FER1L5: variants seen among roughly 807,000 people sequenced by gnomAD.
FER1L5 encodes fer-1-like protein 5.
Under a neutral mutation model 279.9 loss-of-function variants are expected in FER1L5, and 187 were observed. That is an observed-to-expected ratio of 0.67 (90% CI 0.59 to 0.75). FER1L5 has a LOEUF of 0.75. Among genes scored for constraint, FER1L5 ranks in the 30% least tolerant of loss-of-function variants. The pLI, the probability that FER1L5 is intolerant of heterozygous loss-of-function variation, is 0.00. For missense variants in FER1L5, 2,091 were observed against 2,594.4 expected (o/e 0.81, Z 4.21); for synonymous variants, 921 against 989.7 (o/e 0.93, Z 1.30).
intron 4 of FER1L5, among the ~76,000 whole-genome samples, chr2:96,648,840 T>C (rs182344805): frequency 6.6e-6 from 1 of 152,238 alleles, no homozygotes; most frequent in Non-Finnish European, 1.5e-5. Context: ...GGACACACAA[T>C]ATTGTTGACT....
intron 6 of FER1L5, 77 bp from the exon 7 acceptor site, chr2:96,651,815 A>T: frequency 3.2e-6 from 5 of 1,540,332 alleles, no homozygotes; most frequent in Non-Finnish European, 4.4e-6. Flanking sequence ...CTGGCCTAGA[A>T]TGTTTTCTTA....
rs1156274644 is a variant in FER1L5 at position 96,698,847 on chromosome 2, C to CTGCCCCACACAGG, written c.4518+22_4518+34dup. 1.3e-6 allele frequency: 2 copies of CTGCCCCACACAGG among 1,556,362 alleles called. No individual in the cohort carries two copies. The highest frequency in any genetic ancestry group is 2.4e-5 in the East Asian group (1 of 41,132). On this transcript the variant is annotated intron_variant, in intron 41 of 52. Transcript: ENST00000624922. This position sits in a 1 kb window ranked among gnomAD's most constrained non-coding sequence, Gnocchi z 5.5. ...ACAATGGCCTGGTAAAGAACAGTACCTGCCCCACACAGGTGCCCCGCACGC... is the reference window on the plus strand; with the variant it reads ...ACAATGGCCTGGTAAAGAACAGTACCTGCCCCACACAGGTGCCCCACACAGGTGCCCCGCACGC...
At chr2:96,674,081 TCA>T (rs2076424985) in intron 19 of FER1L5, among the ~76,000 whole-genome samples, 1 of 152,248 alleles carries the variant, frequency 6.6e-6, no homozygotes, top group African/African-American at 2.4e-5. Flanking sequence ...CTTAGTATAT[TCA>T]CAGAGTCGTA....
In FER1L5 at chr2:96,702,746, C is replaced by T. The variant is rs769237611; in HGVS notation, c.5397+5C>T. On this transcript the variant is annotated splice_donor_5th_base_variant and intron_variant, in intron 48 of 52. Coordinates refer to ENST00000624922, the MANE Select transcript of FER1L5 (RefSeq NM_001293083.2). This position sits in a 1 kb window ranked among gnomAD's most constrained non-coding sequence, Gnocchi z 4.0. ...ACGTGTGTCCAGAGCCAGAAGGTAA[C>T]AGGCCTGGGGCGTGAGGGGCAACAG... 5.6e-6 allele frequency: 9 copies of T among 1,612,390 alleles called. No homozygotes were observed. In the Admixed American group the frequency reaches 8.4e-5, roughly 15 times the overall value.
In FER1L5 at chr2:96,702,779, C is replaced by T. The variant is rs370111060; in HGVS notation, c.5397+38C>T. 2.5e-6 allele frequency: 4 copies of T among 1,607,650 alleles called. No homozygotes were observed. Among genetic ancestry groups the T allele is most frequent in the Non-Finnish European group, 3.4e-6 (4 of 1,177,440 alleles). ...GGGCGTGAGGGGCAACAGGCCACAA[C>T]AAACAGACCCAGGCTCCTGGAGCTC... On this transcript the variant is annotated intron_variant, in intron 48 of 52. Coordinates refer to ENST00000624922, the MANE Select transcript of FER1L5 (RefSeq NM_001293083.2). This position sits in a 1 kb window ranked among gnomAD's most constrained non-coding sequence, Gnocchi z 4.0.
Position 96,673,263 on chromosome 2 carries a change from C to A in FER1L5, c.1669+9C>A, listed in dbSNP as rs1245080034. ...CCCAGTGATATATGATGGTAATTGT[C>A]AGATTCAGGCAATAAGTAGAGAGCA... is the stretch of plus-strand genomic sequence containing the variant. On this transcript the variant is annotated intron_variant, in intron 19 of 52. Coordinates refer to ENST00000624922, the MANE Select transcript of FER1L5 (RefSeq NM_001293083.2). The A allele has an allele frequency of 1.3e-6, 2 of 1,544,962 alleles. No homozygotes were observed. The highest frequency in any genetic ancestry group is 1.8e-6 in the Non-Finnish European group (2 of 1,141,486).
intron 44 of FER1L5, 78 bp downstream of exon 44, chr2:96,700,158 C>T: frequency 1.3e-6 from 2 of 1,585,426 alleles, no homozygotes; most frequent in South Asian, 2.3e-5. Flanking sequence ...GGAAGAGCTG[C>T]AGACTTGGGG....
intron 9 of FER1L5, among the ~76,000 whole-genome samples, chr2:96,656,722 T>G (rs1163443583): frequency 6.6e-6 from 1 of 151,838 alleles, no homozygotes; most frequent in Admixed American, 6.6e-5. Flanking sequence ...TTTATTCTGT[T>G]GGTCCTCTCT....
chr2:96,659,450 T>A (rs1475706312), intron 9 of FER1L5, among the ~76,000 whole-genome samples: 2 of 30,358 alleles, frequency 6.6e-5, no homozygotes, highest in African/African-American at 4.2e-4. Context: ...TCTTTCTTTC[T>A]TTCTTTCTTT....
Position 96,698,269 on chromosome 2 carries a change from G to C in FER1L5, c.4356+113G>C. 7.0e-7 allele frequency: 1 copy of C among 1,423,868 alleles called. No individual in the cohort carries two copies. Among genetic ancestry groups the C allele is most frequent in the Non-Finnish European group, 9.3e-7 (1 of 1,071,810 alleles). 88.2% of individuals were successfully genotyped at this position (1,423,868 alleles called of 1,614,324 possible). A position where few individuals can be genotyped will look rare whatever the true frequency, so the allele number is the denominator to read the frequency against. On this transcript the variant is annotated intron_variant, in intron 40 of 52. Coordinates refer to ENST00000624922, the MANE Select transcript of FER1L5 (RefSeq NM_001293083.2). This position sits in a 1 kb window ranked among gnomAD's most constrained non-coding sequence, Gnocchi z 5.5. ...TCATTGTGAAGATGGAGCAGGGCTT[G>C]AGAACGTTCTGGGAGTGGAGGAGCA...
intron 4 of FER1L5, 86 bp downstream of exon 4, chr2:96,647,972 C>A: frequency 9.0e-7 from 1 of 1,105,156 alleles, no homozygotes; most frequent in Non-Finnish European, 1.3e-6. Flanking sequence ...AGAGTGCTTC[C>A]TGCTTGGGGG....
rs2075848205 is a variant in FER1L5 at position 96,659,478 on chromosome 2, T to TTTCTTTCTTTCC, written c.748-852_748-851insCTTCTTTCTTTC. Among the ~76,000 whole-genome samples, 5 of 31,120 alleles carry TTTCTTTCTTTCC rather than the reference T, an allele frequency of 1.6e-4. 1 individual carries two copies. Among genetic ancestry groups the TTTCTTTCTTTCC allele is most frequent in the South Asian group, 2.0e-3 (1 of 504 alleles). The allele number at this position is 31,120 out of a possible 152,430, so 20.4% of individuals were successfully genotyped here. On this transcript the variant is annotated intron_variant, in intron 9 of 52. Coordinates refer to ENST00000624922, the MANE Select transcript of FER1L5 (RefSeq NM_001293083.2). Reference sequence around the variant, plus strand: ...CTTTCTTTCTTTCTTTCTTTCTTTCTTTCTTTCTTTCTTTCTTTCTTTCTT... The same window carrying TTTCTTTCTTTCC: ...CTTTCTTTCTTTCTTTCTTTCTTTCTTTCTTTCTTTCCTTCTTTCTTTCTTTCTTTCTTTCTT...
At chr2:96,650,122 T>C in intron 5 of FER1L5, 58 bp from the exon 6 acceptor site, 1 of 1,346,802 alleles carries the variant, frequency 7.4e-7, no homozygotes, top group Non-Finnish European at 1.0e-6. Context: ...ATGGGGAAAA[T>C]ACCTCAAACC....
intron 17 of FER1L5, 49 bp downstream of exon 17, chr2:96,669,186 C>G (rs1357270553): frequency 1.3e-6 from 2 of 1,514,102 alleles, no homozygotes; most frequent in Admixed American, 4.1e-5. Flanking sequence ...AGAGCTTCCC[C>G]ATGTAAAGCA....
At chr2:96,650,127 C>T (rs1005102763) in intron 5 of FER1L5, 53 bp from the exon 6 acceptor site, 1 of 1,410,742 alleles carries the variant, frequency 7.1e-7, no homozygotes, top group African/African-American at 1.4e-5. Flanking sequence ...GAAAATACCT[C>T]AAACCTCCTG....
At chr2:96,699,894 C>T in intron 43 of FER1L5, 38 bp from the exon 44 acceptor site, 2 of 1,609,442 alleles carry the variant, frequency 1.2e-6, no homozygotes, top group South Asian at 1.1e-5. Flanking sequence ...TCTTCAGGAC[C>T]CAAACCTCCA....
intron 19 of FER1L5, among the ~76,000 whole-genome samples, chr2:96,679,159 T>C (rs191593619): frequency 5.2e-4 from 79 of 151,336 alleles, no homozygotes; most frequent in Non-Finnish European, 8.4e-4. Context: ...AAGACCAGCC[T>C]GGGCAACATG....
Position 96,689,117 on chromosome 2 carries a change from C to T in FER1L5, c.2362-96C>T. On this transcript the variant is annotated intron_variant, in intron 24 of 52. Coordinates refer to ENST00000624922, the MANE Select transcript of FER1L5 (RefSeq NM_001293083.2). The surrounding 1 kb of genome is among the most constrained non-coding windows in gnomAD (Gnocchi z 4.6). ...GCCTGGCTACCACATTTTTAGGATG[C>T]CCCTGCAGCCCAGAGTCAGGGGGCC... 3 of 1,394,828 alleles carry T rather than the reference C, an allele frequency of 2.2e-6. No homozygotes were observed. Among genetic ancestry groups the T allele is most frequent in the Non-Finnish European group, 2.9e-6 (3 of 1,046,790 alleles). The allele number at this position is 1,394,828 out of a possible 1,614,324, so 86.4% of individuals were successfully genotyped here. A position where few individuals can be genotyped will look rare whatever the true frequency, so the allele number is the denominator to read the frequency against.
chr2:96,692,083 G>A (rs1198728643), intron 30 of FER1L5, 21 bp from the exon 31 acceptor site: 2 of 1,551,242 alleles, frequency 1.3e-6, no homozygotes, highest in East Asian at 2.4e-5. Flanking sequence ...CAGGTGACAG[G>A]CATGGCTTCT....
Sources: gnomAD v4.1 joint callset for allele counts (sites outside exome capture counted in the v4.1 genomes callset) on GRCh38, gnomAD v4.1.1 for gene constraint, Gnocchi (gnomAD v3.1) non-coding constraint, MANE v1.5 for transcripts, NCBI Gene and HGNC (gene_info 2026-07-23, HGNC 2026-07-21) for gene names.